MTHFD1L: variants seen among roughly 807,000 people sequenced by gnomAD.
MTHFD1L encodes the protein methylenetetrahydrofolate dehydrogenase (NADP+ dependent) 1 like, also known as monofunctional C1-tetrahydrofolate synthase, mitochondrial.
In MTHFD1L, 81 loss-of-function variants were observed where a neutral mutation model predicts 119.5. That is an observed-to-expected ratio of 0.68 (90% confidence interval 0.57 to 0.82). The LOEUF is 0.82. MTHFD1L is among the 40% of genes least tolerant of loss of function. The pLI, the probability that MTHFD1L is intolerant of heterozygous loss-of-function variation, is 0.00. For synonymous variants in MTHFD1L, 430 were observed against 475.2 expected, an observed-to-expected ratio of 0.90 and a Z score of 1.24; for missense variants, 1,125 against 1,253.4, an observed-to-expected ratio of 0.90 and a Z score of 1.55.
chr6:151,009,493 C>T (rs917656351), intron 20 of MTHFD1L, among the ~76,000 whole-genome samples: 11 of 152,042 alleles, frequency 7.2e-5, no homozygotes, highest in African/African-American at 7.2e-5. Flanking sequence ...GAGATCATGC[C>T]GCTGTACTCC....
At chr6:151,071,676 A>G (rs1267428067) in intron 26 of MTHFD1L, among the ~76,000 whole-genome samples, 1 of 152,186 alleles carries the variant, frequency 6.6e-6, no homozygotes, top group Non-Finnish European at 1.5e-5. Context: ...GAAAAGGCAG[A>G]TAACGGAGCA....
chr6:150,868,001 T>C (rs1038427592), intron 1 of MTHFD1L, among the ~76,000 whole-genome samples: 1 of 151,986 alleles, frequency 6.6e-6, no homozygotes, highest in African/African-American at 2.4e-5. Flanking sequence ...TGTCTCACCA[T>C]GTTGGCCAGG....
intron 19 of MTHFD1L, 94 bp from the exon 20 acceptor site, chr6:150,971,852 TA>T: frequency 9.9e-7 from 1 of 1,009,224 alleles, no homozygotes; most frequent in Non-Finnish European, 1.5e-6. Flanking sequence ...GCAGTATTCA[TA>T]AAAGCTTTCC....
chr6:150,875,047 CTTT>C (rs879462443), intron 1 of MTHFD1L, among the ~76,000 whole-genome samples: 1 of 142,534 alleles, frequency 7.0e-6, no homozygotes, highest in Non-Finnish European at 1.5e-5. Flanking sequence ...CGCTCCTGGA[CTTT>C]TTTTTTTTTT....
intron 7 of MTHFD1L, among the ~76,000 whole-genome samples, chr6:150,890,682 C>T (rs1166524177): frequency 6.6e-6 from 1 of 152,076 alleles, no homozygotes; most frequent in African/African-American, 2.4e-5. Flanking sequence ...GGCCATAAGG[C>T]AGAAGGAGAG....
At chr6:151,072,445 T>C (rs980722725) in intron 26 of MTHFD1L, among the ~76,000 whole-genome samples, 1 of 152,168 alleles carries the variant, frequency 6.6e-6, no homozygotes, top group South Asian at 2.1e-4. Flanking sequence ...TTCACACTTA[T>C]ATTTATAAGA....
At chr6:150,990,595 G>T (rs979213520) in intron 20 of MTHFD1L, among the ~76,000 whole-genome samples, 1 of 151,966 alleles carries the variant, frequency 6.6e-6, no homozygotes, top group Admixed American at 6.6e-5. Flanking sequence ...GAGTAGCCGG[G>T]ATTACAGGCA....
At chr6:151,082,572 TAGA>T (rs1283328617) in intron 26 of MTHFD1L, among the ~76,000 whole-genome samples, 2 of 151,560 alleles carry the variant, frequency 1.3e-5, no homozygotes, top group Non-Finnish European at 2.9e-5. Flanking sequence ...TAATTAGATA[TAGA>T]AGATTTTTTT....
chr6:151,020,692 C>T (rs1239772012), intron 24 of MTHFD1L, among the ~76,000 whole-genome samples: 1 of 152,212 alleles, frequency 6.6e-6, no homozygotes, highest in Non-Finnish European at 1.5e-5. Context: ...CATTTCCTCT[C>T]TACCCTTGAG....
At position 151,037,926 on chromosome 6, in the gene MTHFD1L, G is replaced by A. The variant is rs577621299; in HGVS notation, c.2847+809G>A. Among the ~76,000 whole-genome samples, 6 of 152,248 alleles carry A rather than the reference G, an allele frequency of 3.9e-5. No homozygotes were observed. In the East Asian group the frequency reaches 9.6e-4, roughly 24 times the overall value. On this transcript the variant is annotated intron_variant, in intron 26 of 27. Transcript: ENST00000367321. ...AAAAATATTCTAACCCATCATTATC[G>A]TCATCATTAGTGCAAAGTGATCTGA...
chr6:150,929,040 A>G (rs1013946941), intron 11 of MTHFD1L, among the ~76,000 whole-genome samples: 5 of 152,106 alleles, frequency 3.3e-5, no homozygotes, highest in Admixed American at 6.6e-5. Context: ...TAATGTCCCC[A>G]TAATCGAGTG....
At chr6:151,079,479 T>C (rs544855052) in intron 26 of MTHFD1L, among the ~76,000 whole-genome samples, 1 of 152,106 alleles carries the variant, frequency 6.6e-6, no homozygotes, top group African/African-American at 2.4e-5. Context: ...TGTTTTGAGA[T>C]GGAGTTTCAC....
intron 20 of MTHFD1L, among the ~76,000 whole-genome samples, chr6:151,009,233 T>G (rs1233096712): frequency 2.0e-5 from 3 of 151,974 alleles, no homozygotes; most frequent in Non-Finnish European, 4.4e-5. Flanking sequence ...TCCCCATCTG[T>G]ATGAAGAAAA....
intron 6 of MTHFD1L, among the ~76,000 whole-genome samples, chr6:150,886,779 AG>A (rs1782372477): frequency 6.6e-6 from 1 of 152,002 alleles, no homozygotes; most frequent in African/African-American, 2.4e-5. Context: ...GCTTGAGCCC[AG>A]GAGTTTGAGA....
At chr6:150,869,100 A>AT (rs1038740426) in intron 1 of MTHFD1L, among the ~76,000 whole-genome samples, 2 of 152,130 alleles carry the variant, frequency 1.3e-5, no homozygotes, top group Non-Finnish European at 2.9e-5. Context: ...AGGTATGTAC[A>AT]TTTTTTAGAC....
At chr6:151,069,031 G>A (rs1791638432) in intron 26 of MTHFD1L, among the ~76,000 whole-genome samples, 1 of 152,176 alleles carries the variant, frequency 6.6e-6, no homozygotes, top group African/African-American at 2.4e-5. Context: ...TCGTTTTATT[G>A]CAGTCCTCAC....
Position 151,034,612 on chromosome 6 carries a change from A to G in MTHFD1L, c.2694+12A>G, listed in dbSNP as rs201241815. 30 of 1,568,342 alleles carry G rather than the reference A, an allele frequency of 1.9e-5. No individual in the cohort carries two copies. The East Asian group carries it at 5.6e-4, about 29-fold the overall frequency. ...GTTACACTCAACAGGTAAAAGTTCTACTTTTAGGGGAAAAGAAAAAATTCA... is the reference window on the plus strand; with the variant it reads ...GTTACACTCAACAGGTAAAAGTTCTGCTTTTAGGGGAAAAGAAAAAATTCA... On this transcript the variant is annotated intron_variant, in intron 25 of 27. Coordinates refer to ENST00000367321, the MANE Select transcript of MTHFD1L (RefSeq NM_015440.5).
Position 151,079,749 on chromosome 6 carries a change from A to G in MTHFD1L, c.2848-12718A>G, listed in dbSNP as rs1421741376. On this transcript the variant is annotated intron_variant, in intron 26 of 27. Transcript: ENST00000367321. ...TGTGATCTGCCCACCTCGGCCTCCC[A>G]AAGTGCTGGGATTACAGGTGTGAGC... Among the ~76,000 whole-genome samples, 5 of 151,766 alleles carry G rather than the reference A, an allele frequency of 3.3e-5. No homozygotes were observed. In the South Asian group the frequency reaches 1.0e-3, roughly 32 times the overall value.
At chr6:150,916,762 T>C in intron 8 of MTHFD1L, among the ~76,000 whole-genome samples, 1 of 52,194 alleles carries the variant, frequency 1.9e-5, no homozygotes, top group African/African-American at 1.2e-4. Flanking sequence ...TTTTTTTTTT[T>C]TTTTTTTTTT....
Sources: allele counts gnomAD v4.1 joint callset (sites outside exome capture counted in the v4.1 genomes callset), GRCh38; gene constraint gnomAD v4.1.1; transcripts MANE v1.5; gene names NCBI Gene and HGNC (gene_info 2026-07-23, HGNC 2026-07-21).